PRIMA1: variants seen among roughly 807,000 people sequenced by gnomAD.
PRIMA1 encodes the protein proline-rich membrane anchor 1.
Under a neutral mutation model 17.5 loss-of-function variants are expected in PRIMA1, and 7 were observed. That is an observed-to-expected ratio of 0.40 (90% CI 0.23 to 0.75). The LOEUF (loss-of-function observed/expected upper bound fraction) is 0.75. PRIMA1 is among the 30% of genes least tolerant of loss of function. PRIMA1 has a pLI of 0.37. For missense variants in PRIMA1, 200 were observed against 201.8 expected (o/e 0.99, Z 0.05); for synonymous variants, 97 against 77.9 (o/e 1.25, Z -1.29).
chr14:93,763,681 G>A (rs964871156), intron 3 of PRIMA1, among the ~76,000 whole-genome samples: 1 of 152,070 alleles, frequency 6.6e-6, no homozygotes. Context: ...TCTGCTAATC[G>A]GTGAGCACTT....
chr14:93,754,604 G>A (rs2076279860), intron 3 of PRIMA1, among the ~76,000 whole-genome samples: 1 of 152,174 alleles, frequency 6.6e-6, no homozygotes, highest in Non-Finnish European at 1.5e-5. Flanking sequence ...ATAGGAGGGA[G>A]GGAAAAGGGA....
intron 3 of PRIMA1, among the ~76,000 whole-genome samples, chr14:93,761,883 C>T (rs1165138933): frequency 2.0e-5 from 3 of 152,234 alleles, no homozygotes; most frequent in African/African-American, 7.2e-5. Context: ...GGGCTGTGCA[C>T]TTTTTTAGCA....
At chr14:93,778,227 G>A (rs1024619686) in intron 3 of PRIMA1, among the ~76,000 whole-genome samples, 6 of 152,254 alleles carry the variant, frequency 3.9e-5, no homozygotes, top group Admixed American at 1.3e-4. Flanking sequence ...AATGCTTTGG[G>A]TTATGCTGAA....
At chr14:93,732,828 C>T (rs981153659) in intron 4 of PRIMA1, among the ~76,000 whole-genome samples, 1 of 152,182 alleles carries the variant, frequency 6.6e-6, no homozygotes, top group Admixed American at 6.5e-5. Context: ...CTGAGCCCGG[C>T]GGGGCTGGGG....
chr14:93,732,093 T>A lies in PRIMA1; in HGVS notation c.359+5148A>T, dbSNP rs554961908. On this transcript the variant is annotated intron_variant, in intron 4 of 4. Transcript: ENST00000393140. ...TCTTTCTGCCAATTATACCAGTAAG[T>A]GAGAGGGAAATGGCTGTCCAGTGGC... 9.2e-5 allele frequency among the ~76,000 whole-genome samples: 14 copies of A among 152,312 alleles called. No individual in the cohort carries two copies. The South Asian group carries it at 2.7e-3, about 29-fold the overall frequency.
rs114340396 is a variant in PRIMA1 at position 93,720,485 on chromosome 14, G to A, written c.*959C>T. On this transcript the variant is annotated 3_prime_UTR_variant, in exon 5 of 5. Transcript: ENST00000393140. Reference sequence around the variant, plus strand: ...GATGGAGGACTCTGGGAGAGGGCCTGAGTACAACAGTCAGGCCTCAGGGGA... The same window carrying A: ...GATGGAGGACTCTGGGAGAGGGCCTAAGTACAACAGTCAGGCCTCAGGGGA... 1 of 152,586 alleles carries A rather than the reference G, an allele frequency of 6.6e-6. No homozygotes were observed. Among genetic ancestry groups the A allele is most frequent in the Non-Finnish European group, 1.5e-5 (1 of 68,142 alleles). 9.5% of individuals were successfully genotyped at this position (152,586 alleles called of 1,614,324 possible). A position where few individuals can be genotyped will look rare whatever the true frequency, so the allele number is the denominator to read the frequency against.
intron 3 of PRIMA1, among the ~76,000 whole-genome samples, chr14:93,737,698 C>A (rs924413950): frequency 6.6e-6 from 1 of 152,230 alleles, no homozygotes; most frequent in Admixed American, 6.5e-5. Flanking sequence ...GGCTCCCTGA[C>A]CTTTCCGGCC....
At chr14:93,787,028 G>GA (rs1885545027) in intron 2 of PRIMA1, among the ~76,000 whole-genome samples, 1 of 152,058 alleles carries the variant, frequency 6.6e-6, no homozygotes, top group South Asian at 2.1e-4. Flanking sequence ...ATTCTGGGGG[G>GA]GACTAGGGAC....
At chr14:93,734,386 C>A (rs1250994530) in intron 4 of PRIMA1, among the ~76,000 whole-genome samples, 1 of 152,208 alleles carries the variant, frequency 6.6e-6, no homozygotes, top group Non-Finnish European at 1.5e-5. Flanking sequence ...GGGAGCAATT[C>A]TTCCCCCTTC....
rs1423435497 is a variant in PRIMA1 at position 93,718,596 on chromosome 14, A to G, written c.*2848T>C. The G allele has an allele frequency of 6.6e-6, 1 of 152,480 alleles. No individual in the cohort carries two copies. Among genetic ancestry groups the G allele is most frequent in the East Asian group, 1.9e-4 (1 of 5,198 alleles). 9.4% of individuals were successfully genotyped at this position (152,480 alleles called of 1,614,324 possible). On this transcript the variant is annotated 3_prime_UTR_variant, in exon 5 of 5. Transcript: ENST00000393140. The stretch of plus-strand genomic sequence containing the variant: ...TCACACTACCTGGGCAGTTTAACTC[A>G]TACTTTGTACAGATGCAGAGAGTAC...
intron 3 of PRIMA1, among the ~76,000 whole-genome samples, chr14:93,744,673 C>G (rs769794555): frequency 6.6e-6 from 1 of 152,204 alleles, no homozygotes; most frequent in Non-Finnish European, 1.5e-5. Flanking sequence ...AGGGCCCCCC[C>G]ACGCCTTCTC....
chr14:93,719,332 A>G lies in PRIMA1; in HGVS notation c.*2112T>C, dbSNP rs1340303645. 1.3e-5 allele frequency: 2 copies of G among 152,212 alleles called. No individual in the cohort carries two copies. Among genetic ancestry groups the G allele is most frequent in the African/African-American group, 4.8e-5 (2 of 41,458 alleles). 9.4% of individuals were successfully genotyped at this position (152,212 alleles called of 1,614,324 possible). Reference sequence around the variant, plus strand: ...AGGCCTCCTAGGTTTAAGCCAAGGTAGGGAATGATGGGACCAGGCGAGTGT... The same window carrying G: ...AGGCCTCCTAGGTTTAAGCCAAGGTGGGGAATGATGGGACCAGGCGAGTGT... On this transcript the variant is annotated 3_prime_UTR_variant, in exon 5 of 5. Coordinates refer to ENST00000393140, the MANE Select transcript of PRIMA1 (RefSeq NM_178013.4).
chr14:93,780,376 TCTCA>T (rs1885344642), intron 2 of PRIMA1, among the ~76,000 whole-genome samples: 1 of 152,232 alleles, frequency 6.6e-6, no homozygotes, highest in Admixed American at 6.5e-5. Flanking sequence ...GTTCCTTCTC[TCTCA>T]CTATCATAAA....
chr14:93,732,796 TGCTGAGCCCA>T lies in PRIMA1; in HGVS notation c.359+4435_359+4444del, dbSNP rs541659945. On this transcript the variant is annotated intron_variant, in intron 4 of 4. Transcript: ENST00000393140. ...GGAGGCCACAGAGGGAAGCGATACCTGCTGAGCCCAGCTGAGCCCAGCTGAGCCCGGCGGG... is the reference window on the plus strand; with the variant it reads ...GGAGGCCACAGAGGGAAGCGATACCTGCTGAGCCCAGCTGAGCCCGGCGGG... Among the ~76,000 whole-genome samples the T allele has an allele frequency of 9.2e-3, 1,393 of 152,198 alleles. 18 individuals carry two copies. Among genetic ancestry groups the T allele is most frequent in the African/African-American group, 0.027 (1,121 of 41,478 alleles).
Position 93,779,233 on chromosome 14 carries a change from G to GGGGGGCCC in PRIMA1, c.171_172insGGGCCCCC (p.Pro58GlyfsTer40). The stretch of plus-strand genomic sequence containing the variant: ...GGTGGGGGCGGCGGGGGCAGCGGGG[G>GGGGGGCCC]AGGGGGCCGGCACTGGCAGACGTGT... On this transcript the variant is annotated frameshift_variant, in exon 3 of 5. Transcript: ENST00000393140. LOFTEE classifies it high-confidence loss of function. 1 of 1,094,126 alleles carries GGGGGGCCC rather than the reference G, an allele frequency of 9.1e-7. No homozygotes were observed. The allele number at this position is 1,094,126 out of a possible 1,614,324, so 67.8% of individuals were successfully genotyped here.
chr14:93,739,128 C>T (rs567974626), intron 3 of PRIMA1, among the ~76,000 whole-genome samples: 3 of 152,094 alleles, frequency 2.0e-5, no homozygotes, highest in African/African-American at 7.2e-5. Flanking sequence ...TCTCAGCTCA[C>T]CACAACCTCT....
chr14:93,786,046 A>G (rs1286215469), intron 2 of PRIMA1, among the ~76,000 whole-genome samples: 2 of 152,216 alleles, frequency 1.3e-5, no homozygotes, highest in African/African-American at 4.8e-5. Flanking sequence ...ACTAGCTTAC[A>G]CAGCAGAATT....
intron 3 of PRIMA1, among the ~76,000 whole-genome samples, chr14:93,742,799 T>G (rs557850021): frequency 6.6e-6 from 1 of 152,288 alleles, no homozygotes; most frequent in South Asian, 2.1e-4. Flanking sequence ...AAGACACTGC[T>G]AGGCACAATG....
chr14:93,758,527 A>T (rs780132150), intron 3 of PRIMA1, among the ~76,000 whole-genome samples: 3 of 143,462 alleles, frequency 2.1e-5, no homozygotes, highest in South Asian at 2.4e-4. Context: ...TGAACCTGGG[A>T]GGTGGAGGTT....
Sources: allele counts gnomAD v4.1 joint callset (sites outside exome capture counted in the v4.1 genomes callset), GRCh38; gene constraint gnomAD v4.1.1; transcripts MANE v1.5; gene names NCBI Gene and HGNC (gene_info 2026-07-23, HGNC 2026-07-21).